CECR2: variants seen among roughly 807,000 people sequenced by gnomAD.
CECR2 encodes the protein chromatin remodeling regulator CECR2.
CECR2 carries 30 observed loss-of-function variants against 154.5 expected under a neutral mutation model. That is an observed-to-expected ratio of 0.19 (90% CI 0.15 to 0.26). CECR2 has a LOEUF of 0.26. Ranked by LOEUF, CECR2 falls within the 10% of genes least tolerant of loss-of-function variation. The pLI is 1.00. For missense variants in CECR2, 1,743 were observed against 1,829.3 expected, an observed-to-expected ratio of 0.95 and a Z score of 0.86; for synonymous variants, 725 against 683.7, an observed-to-expected ratio of 1.06 and a Z score of -0.94.
rs577436307 is a variant in CECR2, at chr22:17,542,360, G to C, written c.2217G>C (p.Gly739=). The C allele has an allele frequency of 1.0e-4, 168 of 1,613,816 alleles. 2 individuals are homozygous for C. In the South Asian group the frequency reaches 1.7e-3, roughly 17 times the overall value. The change falls in exon 16 of 19, where the codon GGG becomes GGC. Residue 739 remains glycine (G), a synonymous_variant. Transcript: ENST00000262608. ...FQPGFIPPRH[G]GAPARPPDFP... ...CAGGATTCATTCCTCCCCGGCATGG[G>C]GGGGCTCCAGCCCGGCCACCAGACT...
chr22:17,365,892 A>G (rs1303581284), upstream of CECR2, among the ~76,000 whole-genome samples: 1 of 152,076 alleles, frequency 6.6e-6, no homozygotes, highest in Non-Finnish European at 1.5e-5. Flanking sequence ...CATTTCCCAG[A>G]TTATCCTCCA....
intron 1 of CECR2, among the ~76,000 whole-genome samples, chr22:17,412,797 A>G (rs2054086745): frequency 6.6e-6 from 1 of 152,056 alleles, no homozygotes; most frequent in South Asian, 2.1e-4. Flanking sequence ...AGGGGGATGG[A>G]ACCATGACCA....
intron 1 of CECR2, among the ~76,000 whole-genome samples, chr22:17,393,163 C>G (rs1471364591): frequency 6.6e-6 from 1 of 152,182 alleles, no homozygotes; most frequent in Admixed American, 6.5e-5. Flanking sequence ...CCTTGAGCTC[C>G]CTGCCTCCCC....
intron 2 of CECR2, among the ~76,000 whole-genome samples, chr22:17,490,320 A>G (rs1253154119): frequency 6.6e-6 from 1 of 151,960 alleles, no homozygotes; most frequent in Admixed American, 6.6e-5. Flanking sequence ...AAGTTGTTCC[A>G]TTTCTTCTTA....
rs1569142080 is a variant in CECR2 at position 17,525,285 on chromosome 22, C to CAAAAAAAAA, written c.1108+1014_1108+1015insAAAAAAAAA. ...GGGCAACAAGAGTGAAACTCCATCT[C>CAAAAAAAAA]CAAAAAAAAAAAAAAAAAAAAAAAA... is the stretch of plus-strand genomic sequence containing the variant. On this transcript the variant is annotated intron_variant, in intron 9 of 18. Coordinates refer to ENST00000262608, the MANE Select transcript of CECR2 (RefSeq NM_001290047.2). 7.8e-3 allele frequency among the ~76,000 whole-genome samples: 252 copies of CAAAAAAAAA among 32,306 alleles called. 81 individuals carry two copies. Among genetic ancestry groups the CAAAAAAAAA allele is most frequent in the Admixed American group, 0.012 (21 of 1,800 alleles). 21.2% of individuals were successfully genotyped at this position (32,306 alleles called of 152,430 possible).
intron 1 of CECR2, among the ~76,000 whole-genome samples, chr22:17,399,695 A>C (rs561264681): frequency 2.2e-4 from 34 of 152,314 alleles, no homozygotes; most frequent in Admixed American, 6.5e-4. Flanking sequence ...GGCGTGAGCC[A>C]CCGCACCCAA....
chr22:17,407,521 GGAGGCGGAGATTGCAGTGAGCTGA>G (rs752806328), intron 1 of CECR2, among the ~76,000 whole-genome samples: 1 of 152,058 alleles, frequency 6.6e-6, no homozygotes, highest in Non-Finnish European at 1.5e-5. Flanking sequence ...CTTGAACCTG[GGAGGCGGAGATTGCAGTGAGCTGA>G]GATCGCATCA....
intron 1 of CECR2, among the ~76,000 whole-genome samples, chr22:17,426,374 C>G (rs1162270414): frequency 6.6e-6 from 1 of 151,552 alleles, no homozygotes; most frequent in Non-Finnish European, 1.5e-5. Context: ...TTTTTCTTCC[C>G]TGAGACGAGT....
At chr22:17,385,595 C>T (rs1285002286) in intron 1 of CECR2, among the ~76,000 whole-genome samples, 2 of 152,152 alleles carry the variant, frequency 1.3e-5, no homozygotes, top group African/African-American at 4.8e-5. Context: ...GATCACTAGT[C>T]ACAGATCAAC....
chr22:17,548,085 A>C, intron 16 of CECR2, 63 bp from the exon 17 acceptor site: 1 of 1,382,392 alleles, frequency 7.2e-7, no homozygotes. Context: ...CATGTTCTTC[A>C]CATTAATACT....
intron 1 of CECR2, among the ~76,000 whole-genome samples, chr22:17,432,639 T>C (rs894421809): frequency 2.0e-5 from 3 of 152,166 alleles, no homozygotes; most frequent in Non-Finnish European, 4.4e-5. Context: ...TTGTTTTTTA[T>C]TTTTATTTTT....
intron 1 of CECR2, among the ~76,000 whole-genome samples, chr22:17,431,429 C>T (rs1200856846): frequency 6.6e-6 from 1 of 152,152 alleles, no homozygotes; most frequent in Non-Finnish European, 1.5e-5. Flanking sequence ...ATACATGTTT[C>T]CTGTTCTCAG....
At chr22:17,426,554 G>A (rs5747123) in intron 1 of CECR2, among the ~76,000 whole-genome samples, 10,238 of 152,148 alleles carry the variant, frequency 0.067, 941 homozygotes, top group East Asian at 0.36. Context: ...ACGGGGTTTT[G>A]CCATATTGGC....
At chr22:17,478,294 A>T (rs1009326279) in intron 2 of CECR2, among the ~76,000 whole-genome samples, 1 of 151,824 alleles carries the variant, frequency 6.6e-6, no homozygotes, top group African/African-American at 2.4e-5. Context: ...TTCTGATGCC[A>T]TGTAGGGGGT....
intron 1 of CECR2, among the ~76,000 whole-genome samples, chr22:17,416,217 A>C (rs2054154819): frequency 1.3e-5 from 2 of 152,236 alleles, no homozygotes; most frequent in Non-Finnish European, 2.9e-5. Context: ...TAAGCTAGAG[A>C]CATGAAGAAA....
Position 17,542,737 on chromosome 22 carries a change from C to T in CECR2, c.2594C>T (p.Ala865Val), listed in dbSNP as rs371155032. 1.2e-6 allele frequency: 2 copies of T among 1,613,898 alleles called. No homozygotes were observed. The highest frequency in any genetic ancestry group is 2.7e-5 in the African/African-American group (2 of 74,924). The change falls in exon 16 of 19, where the codon GCA becomes GTA. Residue 865 changes from alanine (A) to valine (V), a missense_variant. Ala to Val is a moderately conservative substitution (Grantham distance 64, BLOSUM62 0). Coordinates refer to ENST00000262608, the MANE Select transcript of CECR2 (RefSeq NM_001290047.2). ...PVPAPSSLFG[A>V]PAQALRGVQG... ...CCAGCACCCAGTTCTTTGTTTGGAG[C>T]ACCTGCCCAGGCTCTTCGGGGGGTG...
In CECR2 at chr22:17,404,603, G is replaced by T. The variant is rs888782886; in HGVS notation, c.126+34694G>T. Among the ~76,000 whole-genome samples the T allele has an allele frequency of 3.8e-5, 5 of 131,596 alleles. 1 individual carries two copies. The highest frequency in any genetic ancestry group is 1.3e-4 in the African/African-American group (4 of 31,046). 86.3% of individuals were successfully genotyped at this position (131,596 alleles called of 152,430 possible). On this transcript the variant is annotated intron_variant, in intron 1 of 18. Coordinates refer to ENST00000262608, the MANE Select transcript of CECR2 (RefSeq NM_001290047.2). Reference sequence around the variant, plus strand: ...TTAGCCGGGATGGTCTCGATCTCCTGACCTCGTGATCCACCCGCCTCGGCC... The same window carrying T: ...TTAGCCGGGATGGTCTCGATCTCCTTACCTCGTGATCCACCCGCCTCGGCC...
chr22:17,454,716 A>G (rs184942350), intron 1 of CECR2, among the ~76,000 whole-genome samples: 5 of 152,126 alleles, frequency 3.3e-5, no homozygotes, highest in Non-Finnish European at 7.3e-5. Flanking sequence ...TATGAATGTG[A>G]CACAAAGAGA....
chr22:17,493,072 A>G (rs2055559658), intron 2 of CECR2, among the ~76,000 whole-genome samples: 1 of 152,032 alleles, frequency 6.6e-6, no homozygotes, highest in African/African-American at 2.4e-5. Context: ...CCTGAGTTCA[A>G]GTGATTCTCC....
Sources: allele counts gnomAD v4.1 joint callset (sites outside exome capture counted in the v4.1 genomes callset), GRCh38; gene constraint gnomAD v4.1.1; transcripts MANE v1.5; gene names NCBI Gene and HGNC (gene_info 2026-07-23, HGNC 2026-07-21).